RARB: variants seen among roughly 807,000 people sequenced by gnomAD.
RARB encodes HBV-activated protein.
In RARB, 17 loss-of-function variants were observed where a neutral mutation model predicts 51.9. The observed-to-expected ratio is 0.33, with a 90% CI of 0.22 to 0.49. The LOEUF (loss-of-function observed/expected upper bound fraction) is 0.49, where lower values mean the gene tolerates loss of function less well. RARB is among the 20% of genes least tolerant of loss of function. The probability of loss-of-function intolerance (pLI) is 0.99; values close to 1 mark genes in which losing one functional copy is unlikely to be tolerated. For missense variants in RARB, 369 were observed against 550.8 expected (o/e 0.67, Z 3.30); for synonymous variants, 215 against 195.4 (o/e 1.10, Z -0.84).
chr3:25,371,504 C>G (rs1377223592), intron 5 of RARB, among the ~76,000 whole-genome samples: 1 of 152,176 alleles, frequency 6.6e-6, no homozygotes, highest in East Asian at 1.9e-4. Context: ...TTCATGGTTT[C>G]TGATTTGCTG....
At chr3:25,377,893 A>G (rs997726134) in intron 5 of RARB, among the ~76,000 whole-genome samples, 1 of 152,154 alleles carries the variant, frequency 6.6e-6, no homozygotes, top group Admixed American at 6.5e-5. Context: ...GCCAAAGCCC[A>G]CTTCTTAAAT....
At chr3:25,342,130 A>T (rs943313168) in intron 5 of RARB, among the ~76,000 whole-genome samples, 11 of 152,186 alleles carry the variant, frequency 7.2e-5, no homozygotes, top group Admixed American at 2.6e-4. Context: ...AAATAAGAAA[A>T]AGAGATACTC....
At chr3:25,411,019 C>T (rs565139998) in intron 5 of RARB, among the ~76,000 whole-genome samples, 1 of 152,208 alleles carries the variant, frequency 6.6e-6, no homozygotes, top group Admixed American at 6.5e-5. Flanking sequence ...TCAGTGGATT[C>T]CTGCCCTTTG....
chr3:25,133,814 T>C (rs2125334131), intron 4 of RARB, among the ~76,000 whole-genome samples: 1 of 136,468 alleles, frequency 7.3e-6, no homozygotes. Flanking sequence ...ACAAAAAGTA[T>C]GTGTGTGACA....
chr3:25,309,737 C>T (rs1410966331), intron 5 of RARB, among the ~76,000 whole-genome samples: 4 of 151,784 alleles, frequency 2.6e-5, no homozygotes, highest in South Asian at 2.1e-4. Flanking sequence ...CCTCGTGATC[C>T]GCCAACCTCG....
intron 5 of RARB, among the ~76,000 whole-genome samples, chr3:25,363,859 A>G (rs530886790): frequency 2.6e-5 from 4 of 152,264 alleles, no homozygotes; most frequent in East Asian, 1.9e-4. Context: ...CTCCAGCCAC[A>G]TTGGCCGCCT....
intron 4 of RARB, among the ~76,000 whole-genome samples, chr3:25,132,547 T>G (rs1452743531): frequency 1.3e-5 from 2 of 151,910 alleles, no homozygotes; most frequent in South Asian, 2.1e-4. Flanking sequence ...TTATTGCAAT[T>G]GATTCTCTCA....
In RARB at chr3:24,990,366, C is replaced by G. The variant is rs1306856945; in HGVS notation, c.-379-69759C>G. Among the ~76,000 whole-genome samples, 4 of 60,232 alleles carry G rather than the reference C, an allele frequency of 6.6e-5. 1 individual carries two copies. Among genetic ancestry groups the G allele is most frequent in the Admixed American group, 2.7e-4 (1 of 3,654 alleles). 39.5% of individuals were successfully genotyped at this position (60,232 alleles called of 152,430 possible). A position where few individuals can be genotyped will look rare whatever the true frequency, so the allele number is the denominator to read the frequency against. On this transcript the variant is annotated intron_variant, in intron 2 of 11. Coordinates refer to the RARB transcript ENST00000383772. ...AACAGTCCCCAGAGTGTGATGTTCC[C>G]CTTCCTGTGTCCATGTGTTCTCATT...
intron 3 of RARB, among the ~76,000 whole-genome samples, chr3:25,104,218 A>G (rs760728473): frequency 3.9e-5 from 6 of 152,220 alleles, no homozygotes; most frequent in Non-Finnish European, 8.8e-5. Flanking sequence ...AAAAAGACGG[A>G]CAATACCAAG....
intron 3 of RARB, among the ~76,000 whole-genome samples, chr3:25,528,293 A>T (rs138975575): frequency 6.6e-6 from 1 of 152,194 alleles, no homozygotes; most frequent in South Asian, 2.1e-4. Context: ...GGACAGCAAG[A>T]GACTGAGACA....
chr3:25,136,641 A>G (rs1299774611), intron 4 of RARB, among the ~76,000 whole-genome samples: 1 of 152,082 alleles, frequency 6.6e-6, no homozygotes, highest in Non-Finnish European at 1.5e-5. Context: ...AAAGCTGAAT[A>G]TAACATATGC....
chr3:25,063,272 C>T (rs971487377), intron 3 of RARB, among the ~76,000 whole-genome samples: 2 of 151,970 alleles, frequency 1.3e-5, no homozygotes, highest in African/African-American at 4.8e-5. Flanking sequence ...CTCAATTTTG[C>T]TCTAAAACTT....
At chr3:25,318,459 T>C (rs773338812) in intron 5 of RARB, among the ~76,000 whole-genome samples, 10 of 152,194 alleles carry the variant, frequency 6.6e-5, no homozygotes, top group Non-Finnish European at 7.4e-5. Flanking sequence ...TGTACTAAAA[T>C]GGATGGTGTA....
intron 2 of RARB, among the ~76,000 whole-genome samples, chr3:24,859,530 A>C (rs1485192121): frequency 2.0e-5 from 3 of 152,134 alleles, no homozygotes; most frequent in Non-Finnish European, 4.4e-5. Flanking sequence ...AAACCTCTGT[A>C]TTCTGGTGTT....
chr3:25,143,132 T>A (rs1220179858), intron 4 of RARB, among the ~76,000 whole-genome samples: 4 of 152,114 alleles, frequency 2.6e-5, no homozygotes, highest in African/African-American at 9.7e-5. Context: ...TTATTTGCTC[T>A]TTTTGCCATT....
At chr3:24,989,788 T>C (rs1696871650) in intron 2 of RARB, among the ~76,000 whole-genome samples, 1 of 21,244 alleles carries the variant, frequency 4.7e-5, no homozygotes, top group African/African-American at 2.1e-4. Context: ...TTTTTTTTTT[T>C]TTTTTTTTTT....
At chr3:24,893,396 G>C (rs115663997) in intron 2 of RARB, among the ~76,000 whole-genome samples, 3,559 of 152,332 alleles carry the variant, frequency 0.023, 80 homozygotes, top group Middle Eastern at 0.068. Flanking sequence ...GACATTGACA[G>C]CTTTAATTTT....
intron 5 of RARB, among the ~76,000 whole-genome samples, chr3:25,311,059 G>T (rs1470518049): frequency 1.3e-5 from 2 of 152,188 alleles, no homozygotes; most frequent in Non-Finnish European, 2.9e-5. Flanking sequence ...GCTGAATTGT[G>T]GGTCAAGGTC....
At chr3:24,897,191 A>T (rs986168592) in intron 2 of RARB, among the ~76,000 whole-genome samples, 1 of 152,204 alleles carries the variant, frequency 6.6e-6, no homozygotes, top group African/African-American at 2.4e-5. Flanking sequence ...GGCTGTATCT[A>T]TCATTTCATA....
Sources: gnomAD v4.1 joint callset for allele counts (sites outside exome capture counted in the v4.1 genomes callset) on GRCh38, gnomAD v4.1.1 for gene constraint, MANE v1.5 for transcripts, NCBI Gene and HGNC (gene_info 2026-07-23, HGNC 2026-07-21) for gene names.